The following FKBP4 variants were observed in gnomAD, a reference collection of about 807,000 sequenced individuals.
FKBP4 encodes FKBP prolyl isomerase 4, also known as peptidyl-prolyl cis-trans isomerase FKBP4.
In FKBP4, 28 loss-of-function variants were observed where a neutral mutation model predicts 54.1. The ratio of observed to expected loss-of-function variants is 0.52; its 90% confidence interval spans 0.38 to 0.71. The LOEUF (loss-of-function observed/expected upper bound fraction) is 0.71. FKBP4 is among the 30% of genes least tolerant of loss of function. FKBP4 has a pLI of 0.00. For synonymous variants in FKBP4, 223 were observed against 216.1 expected (o/e 1.03, Z -0.28); for missense variants, 493 against 574.4 (o/e 0.86, Z 1.45).
chr12:2,802,964 G>A (rs370285170), intron 9 of FKBP4, among the ~76,000 whole-genome samples, 187 bp from the exon 10 acceptor site: 2 of 152,300 alleles, frequency 1.3e-5, no homozygotes. Context: ...CTGGGCTCAA[G>A]CAATCTGACC....
At chr12:2,801,629 C>G (rs1374173086) in intron 9 of FKBP4, 2 of 544,576 alleles carry the variant, frequency 3.7e-6, no homozygotes, top group East Asian at 9.0e-5. Flanking sequence ...TGGCTCACAC[C>G]TGCAATCCCA....
At chr12:2,797,991 C>T (rs984692794) in intron 3 of FKBP4, 120 bp downstream of exon 3, 1 of 1,262,340 alleles carries the variant, frequency 7.9e-7, no homozygotes, top group Non-Finnish European at 1.1e-6. Context: ...GAGGGTCTGG[C>T]CTTATGGGAG....
At chr12:2,797,573 T>A (rs185324862) in intron 2 of FKBP4, among the ~76,000 whole-genome samples, 156 bp from the exon 3 acceptor site, 6 of 152,176 alleles carry the variant, frequency 3.9e-5, no homozygotes, top group African/African-American at 1.4e-4. Context: ...TTAGACCTGG[T>A]AGCACTTAAT....
chr12:2,795,970 G>T lies in FKBP4; in HGVS notation c.105+726G>T, dbSNP rs2097901590. 1 of 1,068,532 alleles carries T rather than the reference G, an allele frequency of 9.4e-7. No individual in the cohort carries two copies. The highest frequency in any genetic ancestry group is 1.1e-6 in the Non-Finnish European group (1 of 877,050). The allele number at this position is 1,068,532 out of a possible 1,614,324, so 66.2% of individuals were successfully genotyped here. On this transcript the variant is annotated intron_variant, in intron 1 of 9. Transcript: ENST00000001008. This position sits in a 1 kb window ranked among gnomAD's most constrained non-coding sequence, Gnocchi z 4.3. ...CCTCCCGGAGCCAGGGCTGCGGGGTGTGGGGCGGGGAGGAGGCGCTCTGCT... is the reference window on the plus strand; with the variant it reads ...CCTCCCGGAGCCAGGGCTGCGGGGTTTGGGGCGGGGAGGAGGCGCTCTGCT...
At chr12:2,800,235 G>A (rs1005022901) in intron 7 of FKBP4, 113 bp downstream of exon 7, 2 of 1,386,334 alleles carry the variant, frequency 1.4e-6, no homozygotes, top group Admixed American at 1.9e-5. Flanking sequence ...GTTGGCACCT[G>A]CCATCTTCAC....
intron 4 of FKBP4, 48 bp from the exon 5 acceptor site, chr12:2,799,040 T>G (rs1464233098): frequency 2.0e-6 from 3 of 1,518,086 alleles, no homozygotes; most frequent in Non-Finnish European, 2.7e-6. Flanking sequence ...CCTTCCTCAG[T>G]CACCTGCCCT....
At chr12:2,796,899 A>G (rs1229063844) in intron 1 of FKBP4, 1 of 1,331,032 alleles carries the variant, frequency 7.5e-7, no homozygotes, top group African/African-American at 1.5e-5. Context: ...ACTTGAACTC[A>G]GATCTCTCAG....
At chr12:2,802,616 C>T (rs959920308) in intron 9 of FKBP4, among the ~76,000 whole-genome samples, 1 of 152,220 alleles carries the variant, frequency 6.6e-6, no homozygotes, top group African/African-American at 2.4e-5. Context: ...ACTAAAAACA[C>T]GAGTTTGAAC....
At chr12:2,802,318 A>G (rs916379496) in intron 9 of FKBP4, among the ~76,000 whole-genome samples, 3 of 151,886 alleles carry the variant, frequency 2.0e-5, no homozygotes, top group East Asian at 3.9e-4. Flanking sequence ...TTGTATTTTT[A>G]GTACAGACGA....
chr12:2,800,978 GC>G, intron 8 of FKBP4, 138 bp from the exon 9 acceptor site: 1 of 1,105,794 alleles, frequency 9.0e-7, no homozygotes. Context: ...AATGCCTCAG[GC>G]CTTGTTCTTC....
At chr12:2,799,341 T>G (rs1662777796) in intron 5 of FKBP4, 97 bp downstream of exon 5, 1 of 1,295,216 alleles carries the variant, frequency 7.7e-7, no homozygotes, top group African/African-American at 1.5e-5. Flanking sequence ...CCTTTTTAAC[T>G]CTGGCCACAC....
Position 2,795,896 on chromosome 12 carries a change from G to A in FKBP4, c.105+652G>A, listed in dbSNP as rs2097901524. The A allele has an allele frequency of 2.1e-6, 2 of 969,360 alleles. No homozygotes were observed. Among genetic ancestry groups the A allele is most frequent in the Non-Finnish European group, 2.5e-6 (2 of 813,370 alleles). 60.0% of individuals were successfully genotyped at this position (969,360 alleles called of 1,614,324 possible). Reference sequence around the variant, plus strand: ...CGCCCCCTCCCTCGGCCCCGGGGAGGCCGGGCGCGGGGCATGCCGGGAGCT... The same window carrying A: ...CGCCCCCTCCCTCGGCCCCGGGGAGACCGGGCGCGGGGCATGCCGGGAGCT... On this transcript the variant is annotated intron_variant, in intron 1 of 9. Coordinates refer to ENST00000001008, the MANE Select transcript of FKBP4 (RefSeq NM_002014.4). This position sits in a 1 kb window ranked among gnomAD's most constrained non-coding sequence, Gnocchi z 4.3.
In FKBP4 at chr12:2,795,215, A is replaced by G; in HGVS notation, c.76A>G (p.Ser26Gly). The stretch of plus-strand genomic sequence containing the variant: ...GCTGCCCATGGAGGGAGTGGACATC[A>G]GCCCCAAACAGGACGAAGGCGTGCT... ...APLPMEGVDI[S>G]PKQDEGVLKV... Residue 26 changes from serine to glycine, a missense_variant, in exon 1 of 10, where the codon AGC becomes GGC. Ser to Gly is a moderately conservative substitution (Grantham distance 56). Coordinates refer to ENST00000001008, the MANE Select transcript of FKBP4 (RefSeq NM_002014.4). This position sits in a 1 kb window ranked among gnomAD's most constrained non-coding sequence, Gnocchi z 4.3. 1 of 1,336,672 alleles carries G rather than the reference A, an allele frequency of 7.5e-7. No homozygotes were observed. Among genetic ancestry groups the G allele is most frequent in the African/African-American group, 1.5e-5 (1 of 65,974 alleles). 82.8% of individuals were successfully genotyped at this position (1,336,672 alleles called of 1,614,324 possible).
Position 2,801,364 on chromosome 12 carries a change from T to C in FKBP4, c.1272+8T>C, listed in dbSNP as rs780892168. ...GCTGAGGAGGAGAACAAGGTGAGGA[T>C]TGGGGTGGGGAACAGTTGGAATAGC... is the stretch of plus-strand genomic sequence containing the variant. On this transcript the variant is annotated splice_region_variant and intron_variant, in intron 9 of 9. Transcript: ENST00000001008. 4.2e-5 allele frequency: 67 copies of C among 1,613,710 alleles called. No homozygotes were observed. Among genetic ancestry groups the C allele is most frequent in the Non-Finnish European group, 5.3e-5 (62 of 1,179,854 alleles).
chr12:2,798,760 A>C lies in FKBP4; in HGVS notation c.448A>C (p.Ile150Leu), dbSNP rs779521467. Residue 150 changes from isoleucine to leucine, a missense_variant, in exon 4 of 10, where the codon ATC (isoleucine) becomes CTC (leucine). By Grantham distance (5) the Ile-to-Leu change is conservative (BLOSUM62 2). Coordinates refer to ENST00000001008, the MANE Select transcript of FKBP4 (RefSeq NM_002014.4). This position sits in a 1 kb window ranked among gnomAD's most constrained non-coding sequence, Gnocchi z 4.3. ...TCTGACGGAAGAGGAAGATGGCGGA[A>C]TCATTCGCAGAATACAGACTCGCGG... ...EDLTEEEDGG[I>L]IRRIQTRGEG... 6.2e-7 allele frequency: 1 copy of C among 1,614,212 alleles called. No individual in the cohort carries two copies. The highest frequency in any genetic ancestry group is 8.5e-7 in the Non-Finnish European group (1 of 1,180,042).
In FKBP4 at chr12:2,803,226, G is replaced by C; in HGVS notation, c.1348G>C (p.Gly450Arg). The change falls in exon 10 of 10, where the codon GGG becomes CGG. Residue 450 changes from glycine (G) to arginine (R), a missense_variant. Physicochemically the swap from Gly to Arg is moderately radical, Grantham distance 125. Transcript: ENST00000001008. ...MKEEQKSNTA[G>R]SQSQVETEA is the part of the protein sequence containing the mutation. The stretch of plus-strand genomic sequence containing the variant: ...GGAGGAGCAGAAGAGCAACACGGCA[G>C]GGAGCCAGTCTCAGGTGGAGACAGA... 2 of 1,599,262 alleles carry C rather than the reference G, an allele frequency of 1.3e-6. No homozygotes were observed. Among genetic ancestry groups the C allele is most frequent in the Non-Finnish European group, 1.7e-6 (2 of 1,173,646 alleles).
intron 9 of FKBP4, chr12:2,801,631 G>C: frequency 1.9e-6 from 1 of 537,252 alleles, no homozygotes. Flanking sequence ...GCTCACACCT[G>C]CAATCCCAGC....
At position 2,798,515 on chromosome 12, in the gene FKBP4, C is replaced by T. The variant is rs1478648666; in HGVS notation, c.394-191C>T. Among the ~76,000 whole-genome samples the T allele has an allele frequency of 6.6e-6, 1 of 152,174 alleles. No homozygotes were observed. Among genetic ancestry groups the T allele is most frequent in the East Asian group, 1.9e-4 (1 of 5,196 alleles). On this transcript the variant is annotated intron_variant, in intron 3 of 9. Coordinates refer to ENST00000001008, the MANE Select transcript of FKBP4 (RefSeq NM_002014.4). This position sits in a 1 kb window ranked among gnomAD's most constrained non-coding sequence, Gnocchi z 4.3. ...ACTGAAATCTATGTAGTCTGCCCAC[C>T]TCTACCAAAGTTGAGATTAGGGCAG...
intron 7 of FKBP4, 32 bp from the exon 8 acceptor site, chr12:2,800,360 T>C: frequency 2.5e-6 from 4 of 1,587,248 alleles, no homozygotes; most frequent in Non-Finnish European, 3.4e-6. Context: ...ACTGAAACTG[T>C]GCCAGGTGCC....
Sources: gnomAD v4.1 joint callset for allele counts (sites outside exome capture counted in the v4.1 genomes callset) on GRCh38, gnomAD v4.1.1 for gene constraint, Gnocchi (gnomAD v3.1) non-coding constraint, MANE v1.5 for transcripts, NCBI Gene and HGNC (gene_info 2026-07-23, HGNC 2026-07-21) for gene names.